Variants in ARMC1 observed in about 807,000 individuals in gnomAD.
The protein encoded by ARMC1 is armadillo repeat-containing protein 1.
Under a neutral mutation model 31.4 loss-of-function variants are expected in ARMC1, and 16 were observed. The ratio of observed to expected loss-of-function variants is 0.51; its 90% CI spans 0.34 to 0.77. The LOEUF (loss-of-function observed/expected upper bound fraction) is 0.77, where lower values mean the gene tolerates loss of function less well. ARMC1 is among the 30% of genes least tolerant of loss of function. ARMC1 has a pLI of 0.01. For synonymous variants in ARMC1, 114 were observed against 118.9 expected (o/e 0.96, Z 0.27); for missense variants, 259 against 347.5 (o/e 0.75, Z 2.02).
chr8:65,622,413 A>C, intron 2 of ARMC1, 59 bp from the exon 3 acceptor site: 1 of 1,343,992 alleles, frequency 7.4e-7, no homozygotes. Flanking sequence ...AATTGAAACT[A>C]CTACTAATTT....
intron 3 of ARMC1, among the ~76,000 whole-genome samples, chr8:65,618,257 T>C (rs1808317680): frequency 6.6e-6 from 1 of 150,440 alleles, no homozygotes; most frequent in African/African-American, 2.4e-5. Context: ...GCGCAGTGGC[T>C]CACGCCTGTA....
At chr8:65,612,845 G>A (rs556129726) in intron 4 of ARMC1, among the ~76,000 whole-genome samples, 8 of 152,144 alleles carry the variant, frequency 5.3e-5, no homozygotes, top group Non-Finnish European at 1.0e-4. Context: ...CTGGGTGACA[G>A]AGTGAGACTC....
At chr8:65,632,741 G>A (rs899838394) in intron 1 of ARMC1, among the ~76,000 whole-genome samples, 1 of 152,110 alleles carries the variant, frequency 6.6e-6, no homozygotes, top group Admixed American at 6.5e-5. Flanking sequence ...CAGGAGAATC[G>A]CTTGAACCCG....
chr8:65,627,831 C>T (rs1808548021), intron 1 of ARMC1, among the ~76,000 whole-genome samples: 1 of 152,184 alleles, frequency 6.6e-6, no homozygotes, highest in African/African-American at 2.4e-5. Flanking sequence ...GGAAAAGTGG[C>T]TAGTTTACAG....
At chr8:65,623,377 G>A (rs561504061) in intron 2 of ARMC1, among the ~76,000 whole-genome samples, 2 of 149,548 alleles carry the variant, frequency 1.3e-5, no homozygotes, top group East Asian at 4.0e-4. Flanking sequence ...GGGAGGCCAA[G>A]GCAGGCCGAT....
At chr8:65,606,784 G>C (rs562617407) in intron 4 of ARMC1, among the ~76,000 whole-genome samples, 1 of 152,032 alleles carries the variant, frequency 6.6e-6, no homozygotes, top group Non-Finnish European at 1.5e-5. Context: ...CATCACTTTA[G>C]CCATCACTAA....
At chr8:65,633,698 A>G (rs1186159287) in intron 1 of ARMC1, 2 of 152,324 alleles carry the variant, frequency 1.3e-5, no homozygotes, top group African/African-American at 4.8e-5. Context: ...CAAAACTAAC[A>G]GAAAGTTACC....
Position 65,622,311 on chromosome 8 carries a change from A to C in ARMC1, c.227T>G (p.Met76Arg). The C allele has an allele frequency of 6.2e-7, 1 of 1,614,148 alleles. No homozygotes were observed. The highest frequency in any genetic ancestry group is 1.1e-5 in the South Asian group (1 of 91,088). ...LAECRANREK[M>R]KGELGMMLSL... ...CAACATCATACCCAGTTCTCCTTTC[A>C]TCTTTTCTCTGTTTGCACGGCATTC... Residue 76 changes from methionine (M) to arginine (R), a missense_variant, in exon 3 of 7, where the codon ATG (methionine) becomes AGG (arginine). Transcript: ENST00000276569.
At chr8:65,616,591 C>T (rs1808265761) in intron 3 of ARMC1, among the ~76,000 whole-genome samples, 1 of 152,194 alleles carries the variant, frequency 6.6e-6, no homozygotes, top group East Asian at 1.9e-4. Context: ...TGCCTGGCCG[C>T]CCATCGTCTG....
At chr8:65,606,144 T>C (rs1807996621) in intron 4 of ARMC1, among the ~76,000 whole-genome samples, 1 of 151,892 alleles carries the variant, frequency 6.6e-6, no homozygotes, top group African/African-American at 2.4e-5. Context: ...GGGTAGATCA[T>C]GAAGTCAGGA....
chr8:65,619,330 G>C (rs891169956), intron 3 of ARMC1, among the ~76,000 whole-genome samples: 1 of 151,906 alleles, frequency 6.6e-6, no homozygotes, highest in African/African-American at 2.4e-5. Context: ...CTGAGGCCAC[G>C]AGTTCGAGAC....
chr8:65,632,758 G>C (rs932759315), intron 1 of ARMC1: 1 of 152,556 alleles, frequency 6.6e-6, no homozygotes, highest in African/African-American at 2.4e-5. Context: ...CCCGGGAGGC[G>C]GAGGTTGCAG....
At chr8:65,627,660 T>G (rs547753926) in intron 1 of ARMC1, among the ~76,000 whole-genome samples, 3 of 152,270 alleles carry the variant, frequency 2.0e-5, no homozygotes, top group Admixed American at 6.5e-5. Context: ...GTCCTCAATA[T>G]TCCAATAAAT....
At position 65,613,288 on chromosome 8, in the gene ARMC1, G is replaced by T. The variant is rs368159261; in HGVS notation, c.421C>A (p.Arg141Ser). The T allele has an allele frequency of 2.5e-6, 4 of 1,611,114 alleles. No individual in the cohort carries two copies. Among genetic ancestry groups the T allele is most frequent in the African/African-American group, 1.3e-5 (1 of 74,802 alleles). ...AQFFLGTTNK[R>S]AKTVVLHIDG... is the part of the protein sequence containing the mutation. ...ATATGCAAAACCACTGTTTTGGCACGTTTGTTTGTAGTTCCCAGAAAAAAT... is the reference window on the plus strand; with the variant it reads ...ATATGCAAAACCACTGTTTTGGCACTTTTGTTTGTAGTTCCCAGAAAAAAT... The change falls in exon 4 of 7, where the codon CGT becomes AGT. Residue 141 changes from arginine (R) to serine (S), a missense_variant. Coordinates refer to ENST00000276569, the MANE Select transcript of ARMC1 (RefSeq NM_018120.6).
intron 4 of ARMC1, among the ~76,000 whole-genome samples, chr8:65,607,266 C>G (rs1403625258): frequency 1.3e-5 from 2 of 152,304 alleles, no homozygotes; most frequent in East Asian, 3.9e-4. Flanking sequence ...AGGACTGGTG[C>G]CAAATAGCAC....
At chr8:65,614,820 T>C (rs555630422) in intron 3 of ARMC1, among the ~76,000 whole-genome samples, 34 of 152,336 alleles carry the variant, frequency 2.2e-4, no homozygotes, top group African/African-American at 7.9e-4. Flanking sequence ...GCTTTCCAAC[T>C]CTTATTTCAA....
At chr8:65,617,295 G>A (rs1808291606) in intron 3 of ARMC1, among the ~76,000 whole-genome samples, 1 of 152,182 alleles carries the variant, frequency 6.6e-6, no homozygotes, top group Non-Finnish European at 1.5e-5. Flanking sequence ...TTCTGCCTTG[G>A]GATGCTGTTG....
intron 3 of ARMC1, among the ~76,000 whole-genome samples, chr8:65,621,995 T>A (rs1256366995): frequency 6.6e-6 from 1 of 152,172 alleles, no homozygotes; most frequent in Non-Finnish European, 1.5e-5. Context: ...TAGAGCGCAA[T>A]GGCACGATCT....
At chr8:65,605,670 C>T in intron 4 of ARMC1, 132 bp from the exon 5 acceptor site, 1 of 679,308 alleles carries the variant, frequency 1.5e-6, no homozygotes, top group East Asian at 2.7e-5. Context: ...TATTTCAGGG[C>T]ACAGAGTGGG....
Sources: allele counts gnomAD v4.1 joint callset (sites outside exome capture counted in the v4.1 genomes callset), GRCh38; gene constraint gnomAD v4.1.1; transcripts MANE v1.5; gene names NCBI Gene and HGNC (gene_info 2026-07-23, HGNC 2026-07-21).